The following PAX7 variants were observed in gnomAD, a reference collection of about 807,000 sequenced individuals.
The protein encoded by PAX7 is paired box 7.
A neutral mutation model predicts 50.7 loss-of-function variants in PAX7; 18 were observed. The ratio of observed to expected loss-of-function variants is 0.36; its 90% confidence interval spans 0.25 to 0.53. The LOEUF is 0.53. Among genes scored for constraint, PAX7 ranks in the 20% least tolerant of loss-of-function variants. The pLI is 0.93. For synonymous variants in PAX7, 310 were observed against 290.4 expected (o/e 1.07, Z -0.69); for missense variants, 644 against 702.9 (o/e 0.92, Z 0.95).
In PAX7 at chr1:18,706,634, C is replaced by A. The variant is rs114437731; in HGVS notation, c.1155+3338C>A. On this transcript the variant is annotated intron_variant, in intron 7 of 8. Coordinates refer to ENST00000420770, the MANE Select transcript of PAX7 (RefSeq NM_001135254.2). ...AGCAGCTGGGATTACAGGCCCCTGC[C>A]GCCACTCCCAACTAATTTTTGTATA... Among the ~76,000 whole-genome samples, 2 of 99,266 alleles carry A rather than the reference C, an allele frequency of 2.0e-5. 1 individual carries two copies. The highest frequency in any genetic ancestry group is 4.7e-5 in the Non-Finnish European group (2 of 42,706). 65.1% of individuals were successfully genotyped at this position (99,266 alleles called of 152,430 possible). A position where few individuals can be genotyped will look rare whatever the true frequency, so the allele number is the denominator to read the frequency against.
Position 18,634,493 on chromosome 1 carries a change from G to C in PAX7, c.276G>C (p.Glu92Asp). Residue 92 changes from glutamate (E) to aspartate (D), a missense_variant, in exon 2 of 9, where the codon GAG becomes GAC. Physicochemically the swap from Glu to Asp is conservative, Grantham distance 45. Transcript: ENST00000420770. The surrounding 1 kb of genome is among the most constrained non-coding windows in gnomAD (Gnocchi z 4.0). ...CVSKILCRYQETGSIRPGAIG... is the reference protein window; with the variant it reads ...CVSKILCRYQDTGSIRPGAIG... Reference sequence around the variant, plus strand: ...CCAAGATTCTTTGCCGCTACCAGGAGACCGGGTCCATCCGGCCTGGGGCCA... The same window carrying C: ...CCAAGATTCTTTGCCGCTACCAGGACACCGGGTCCATCCGGCCTGGGGCCA... 1 of 1,614,118 alleles carries C rather than the reference G, an allele frequency of 6.2e-7. No homozygotes were observed. Among genetic ancestry groups the C allele is most frequent in the Non-Finnish European group, 8.5e-7 (1 of 1,180,048 alleles).
At chr1:18,663,067 T>G (rs1040028982) in intron 4 of PAX7, among the ~76,000 whole-genome samples, 1 of 152,226 alleles carries the variant, frequency 6.6e-6, no homozygotes, top group Non-Finnish European at 1.5e-5. Context: ...TCTATACATA[T>G]GTTTATTTTG....
chr1:18,707,106 T>C (rs1570202757), intron 7 of PAX7, among the ~76,000 whole-genome samples: 2 of 152,256 alleles, frequency 1.3e-5, no homozygotes, highest in African/African-American at 4.8e-5. Flanking sequence ...GAATCTACTA[T>C]GTGCCAGGCA....
At chr1:18,638,220 T>C (rs1407793133) in intron 4 of PAX7, among the ~76,000 whole-genome samples, 1 of 152,044 alleles carries the variant, frequency 6.6e-6, no homozygotes, top group Non-Finnish European at 1.5e-5. Flanking sequence ...GAAGCACAAA[T>C]AGGTAAATTT....
intron 7 of PAX7, among the ~76,000 whole-genome samples, chr1:18,728,051 T>C (rs1260970553): frequency 6.6e-6 from 1 of 152,062 alleles, no homozygotes. Flanking sequence ...GGGTGGGTAA[T>C]TTCTGGCTTG....
chr1:18,633,189 G>T (rs1003402662), intron 1 of PAX7, among the ~76,000 whole-genome samples: 1 of 152,268 alleles, frequency 6.6e-6, no homozygotes, highest in South Asian at 2.1e-4. Context: ...CGGTAGGAAC[G>T]GCCCAGCAGC....
At chr1:18,646,983 G>A (rs1368622113) in intron 4 of PAX7, among the ~76,000 whole-genome samples, 2 of 142,558 alleles carry the variant, frequency 1.4e-5, no homozygotes, top group African/African-American at 2.6e-5. Context: ...TGGGGTGGGG[G>A]GGAGGGCTGG....
rs765032042 is a variant in PAX7 at position 18,745,995 on chromosome 1, G to A, written c.*1066G>A. The A allele has an allele frequency of 2.2e-5, 5 of 230,486 alleles. No individual in the cohort carries two copies. The highest frequency in any genetic ancestry group is 4.3e-5 in the Non-Finnish European group (5 of 116,418). 14.3% of individuals were successfully genotyped at this position (230,486 alleles called of 1,614,324 possible). On this transcript the variant is annotated 3_prime_UTR_variant, in exon 9 of 9. Transcript: ENST00000420770. ...GTTGAGATTTTGCCCAAAGCCTTCC[G>A]CAGAGGCCCGAGCCCATCCTTACCA...
chr1:18,658,859 G>C (rs560125469), intron 4 of PAX7, among the ~76,000 whole-genome samples: 3 of 152,328 alleles, frequency 2.0e-5, no homozygotes, highest in African/African-American at 7.2e-5. Context: ...TCAATGCTAA[G>C]GGAACCCTTG....
intron 4 of PAX7, among the ~76,000 whole-genome samples, chr1:18,684,671 C>T (rs1444641990): frequency 6.6e-6 from 1 of 152,208 alleles, no homozygotes; most frequent in African/African-American, 2.4e-5. Flanking sequence ...GACGCCTGGC[C>T]CACACTCGCC....
Position 18,631,697 on chromosome 1 carries a change from GCCCAGGCTGGCCTCGCCGCGACT to G in PAX7, c.85+12_85+34del. 6.2e-7 allele frequency: 1 copy of G among 1,606,326 alleles called. No individual in the cohort carries two copies. The highest frequency in any genetic ancestry group is 1.1e-5 in the South Asian group (1 of 89,680). ...GGGATTCCCTTTGGAAGGTAAGAAC[GCCCAGGCTGGCCTCGCCGCGACT>G]CCGCCGCCCGGAACTCGGGGTCCTT... On this transcript the variant is annotated intron_variant, in intron 1 of 8. Coordinates refer to ENST00000420770, the MANE Select transcript of PAX7 (RefSeq NM_001135254.2).
intron 6 of PAX7, among the ~76,000 whole-genome samples, chr1:18,701,661 A>G (rs1182688469): frequency 6.6e-6 from 1 of 152,098 alleles, no homozygotes. Flanking sequence ...TCCTTTGAGG[A>G]CCTGAGAAAG....
intron 4 of PAX7, among the ~76,000 whole-genome samples, chr1:18,646,604 C>T (rs926454626): frequency 6.6e-6 from 1 of 152,292 alleles, no homozygotes; most frequent in African/African-American, 2.4e-5. Flanking sequence ...CCCCTCCCCG[C>T]CGCCCTCTCG....
rs530718483 is a variant in PAX7, at chr1:18,656,191, G to T, written c.586+19820G>T. ...TATTATTCTTGTTGCTGTGATTGAT[G>T]ATCTAAAATGTAAGAGGCAAGTCCG... On this transcript the variant is annotated intron_variant, in intron 4 of 8. Transcript: ENST00000420770. Among the ~76,000 whole-genome samples the T allele has an allele frequency of 2.0e-5, 3 of 152,282 alleles. No homozygotes were observed. In the East Asian group the frequency reaches 5.8e-4, roughly 29 times the overall value.
At chr1:18,736,072 C>A in intron 8 of PAX7, 194 bp downstream of exon 8, 1 of 1,046,152 alleles carries the variant, frequency 9.6e-7, no homozygotes, top group South Asian at 1.4e-5. Flanking sequence ...CCCAGGACAT[C>A]TCCTGGCTAA....
chr1:18,656,057 T>C (rs1035613083), intron 4 of PAX7, among the ~76,000 whole-genome samples: 14 of 152,324 alleles, frequency 9.2e-5, no homozygotes, highest in African/African-American at 3.1e-4. Context: ...CCATCTGCGA[T>C]ATGGGTATTG....
chr1:18,712,589 T>C (rs2089367712), intron 7 of PAX7, among the ~76,000 whole-genome samples: 1 of 152,218 alleles, frequency 6.6e-6, no homozygotes, highest in Non-Finnish European at 1.5e-5. Flanking sequence ...GAGTAGGCTC[T>C]GCTAGGAACT....
chr1:18,723,280 G>A (rs1570228988), intron 7 of PAX7, among the ~76,000 whole-genome samples: 1 of 151,808 alleles, frequency 6.6e-6, no homozygotes, highest in South Asian at 2.1e-4. Context: ...AGAGTTTAAT[G>A]TATTCTCTTT....
intron 4 of PAX7, among the ~76,000 whole-genome samples, chr1:18,678,396 T>C (rs1190408210): frequency 6.6e-6 from 1 of 150,624 alleles, no homozygotes; most frequent in Non-Finnish European, 1.5e-5. Context: ...CAAAACTCTA[T>C]CTCAAAAATA....
Sources: gnomAD v4.1 joint callset for allele counts (sites outside exome capture counted in the v4.1 genomes callset) on GRCh38, gnomAD v4.1.1 for gene constraint, Gnocchi (gnomAD v3.1) non-coding constraint, MANE v1.5 for transcripts, NCBI Gene and HGNC (gene_info 2026-07-23, HGNC 2026-07-21) for gene names.